The following EVA1A variants were observed in gnomAD, a reference collection of about 807,000 sequenced individuals.
The protein encoded by EVA1A is eva-1 homolog A, regulator of programmed cell death, also known as protein eva-1 homolog A.
EVA1A carries 7 observed loss-of-function variants against 9.8 expected under a neutral mutation model. That is an observed-to-expected ratio of 0.71 (90% confidence interval 0.41 to 1.34). The LOEUF is 1.34. Among genes scored for constraint, EVA1A ranks in the 40% most tolerant of loss-of-function variants. The pLI, the probability that EVA1A is intolerant of heterozygous loss-of-function variation, is 0.01. For missense variants in EVA1A, 206 were observed against 205.9 expected, an observed-to-expected ratio of 1.00 and a Z score of 0.00; for synonymous variants, 90 against 85.6, an observed-to-expected ratio of 1.05 and a Z score of -0.28.
Position 75,492,324 on chromosome 2 carries a change from T to C in EVA1A, c.*912A>G, listed in dbSNP as rs915810235. 8.6e-5 allele frequency: 13 copies of C among 151,752 alleles called. No homozygotes were observed. Among genetic ancestry groups the C allele is most frequent in the African/African-American group, 2.4e-4 (10 of 41,290 alleles). 9.4% of individuals were successfully genotyped at this position (151,752 alleles called of 1,614,324 possible). On this transcript the variant is annotated 3_prime_UTR_variant, in exon 4 of 4. Coordinates refer to ENST00000393913, the MANE Select transcript of EVA1A (RefSeq NM_001135032.2). The stretch of plus-strand genomic sequence containing the variant: ...AGACGGACATGCAACCAAAAAGATT[T>C]TATGTAATGTTTATTTTTTTAATTC...
Position 75,492,675 on chromosome 2 carries a change from A to G in EVA1A, c.*561T>C, listed in dbSNP as rs1417521703. On this transcript the variant is annotated 3_prime_UTR_variant, in exon 4 of 4. Transcript: ENST00000393913. ...TCATGAATGAGGTGGGAACTACACT[A>G]AAAAGTAGGATTTTAATCCCTGAGG... The G allele has an allele frequency of 6.5e-6, 1 of 152,942 alleles. No homozygotes were observed. The highest frequency in any genetic ancestry group is 1.5e-5 in the Non-Finnish European group (1 of 68,290). 9.5% of individuals were successfully genotyped at this position (152,942 alleles called of 1,614,324 possible).
At chr2:75,500,211 C>T (rs1460478375) in intron 3 of EVA1A, among the ~76,000 whole-genome samples, 1 of 152,200 alleles carries the variant, frequency 6.6e-6, no homozygotes, top group Non-Finnish European at 1.5e-5. Flanking sequence ...GTAACACATT[C>T]TTTTCCAAGT....
intron 1 of EVA1A, among the ~76,000 whole-genome samples, chr2:75,567,787 G>C (rs1677054623): frequency 6.6e-6 from 1 of 152,210 alleles, no homozygotes; most frequent in Non-Finnish European, 1.5e-5. Context: ...GCTTAAACCA[G>C]TGTCCGCGAC....
intron 3 of EVA1A, among the ~76,000 whole-genome samples, chr2:75,515,681 C>T (rs1430626151): frequency 2.0e-5 from 3 of 152,298 alleles, no homozygotes; most frequent in Non-Finnish European, 4.4e-5. Flanking sequence ...TGAGCATTTT[C>T]ATGTAATTTT....
intron 1 of EVA1A, among the ~76,000 whole-genome samples, chr2:75,532,086 G>A (rs10169559): frequency 6.8e-6 from 1 of 147,540 alleles, no homozygotes; most frequent in African/African-American, 2.5e-5. Flanking sequence ...CATGAACCCA[G>A]GAGGCAGAGC....
chr2:75,523,237 T>C (rs6756309), intron 1 of EVA1A, among the ~76,000 whole-genome samples: 69,550 of 152,088 alleles, frequency 0.46, 17,664 homozygotes, highest in African/African-American at 0.69. Flanking sequence ...TTGGTGTCAC[T>C]ATCCTACGTT....
chr2:75,528,004 T>G (rs1444332139), intron 1 of EVA1A, among the ~76,000 whole-genome samples: 1 of 152,184 alleles, frequency 6.6e-6, no homozygotes, highest in African/African-American at 2.4e-5. Flanking sequence ...GGAAGAAGGA[T>G]TTAACTTTAC....
intron 1 of EVA1A, among the ~76,000 whole-genome samples, chr2:75,537,461 C>G (rs1675952635): frequency 6.6e-6 from 1 of 152,154 alleles, no homozygotes; most frequent in African/African-American, 2.4e-5. Flanking sequence ...TAAGTTCTAA[C>G]CATTACCTTG....
chr2:75,553,615 GCTGT>G (rs1676600799), intron 1 of EVA1A, among the ~76,000 whole-genome samples: 1 of 152,152 alleles, frequency 6.6e-6, no homozygotes, highest in South Asian at 2.1e-4. Context: ...AGGCCACCAA[GCTGT>G]CTCTGTGAGC....
At chr2:75,523,757 CAG>C (rs2103864267) in intron 1 of EVA1A, among the ~76,000 whole-genome samples, 1 of 152,322 alleles carries the variant, frequency 6.6e-6, no homozygotes, top group East Asian at 1.9e-4. Flanking sequence ...TCTTTGTTCT[CAG>C]AGTTTCCCAC....
chr2:75,534,569 G>C (rs79687814), intron 1 of EVA1A, among the ~76,000 whole-genome samples: 2,330 of 151,470 alleles, frequency 0.015, 55 homozygotes, highest in African/African-American at 0.054. Flanking sequence ...GCAAACATCA[G>C]CCCTAACATC....
chr2:75,540,586 A>G (rs1676077539), intron 1 of EVA1A, among the ~76,000 whole-genome samples: 1 of 152,214 alleles, frequency 6.6e-6, no homozygotes, highest in African/African-American at 2.4e-5. Context: ...TTCAAGCAGC[A>G]TGTGCAAAAT....
At chr2:75,509,008 T>G (rs2103814618) in intron 3 of EVA1A, among the ~76,000 whole-genome samples, 1 of 152,208 alleles carries the variant, frequency 6.6e-6, no homozygotes, top group South Asian at 2.1e-4. Flanking sequence ...ACTGATGCCC[T>G]GAGGAGGAAA....
chr2:75,494,891 G>C (rs1042218699), intron 3 of EVA1A, among the ~76,000 whole-genome samples: 1 of 152,164 alleles, frequency 6.6e-6, no homozygotes, highest in Non-Finnish European at 1.5e-5. Context: ...CTCTTTCCTT[G>C]GTGAGAGAAG....
At chr2:75,531,681 T>C (rs1675655418) in intron 1 of EVA1A, among the ~76,000 whole-genome samples, 1 of 152,166 alleles carries the variant, frequency 6.6e-6, no homozygotes, top group African/African-American at 2.4e-5. Context: ...ATACATTGTA[T>C]GTTCTCACCT....
chr2:75,545,789 T>C (rs969189518), intron 1 of EVA1A, among the ~76,000 whole-genome samples: 1 of 151,860 alleles, frequency 6.6e-6, no homozygotes, highest in African/African-American at 2.4e-5. Context: ...TCAGTCAGTG[T>C]CTCCTAGGGG....
intron 3 of EVA1A, among the ~76,000 whole-genome samples, chr2:75,504,422 C>G (rs1288104684): frequency 6.6e-6 from 1 of 152,122 alleles, no homozygotes; most frequent in African/African-American, 2.4e-5. Flanking sequence ...AACAAACAAA[C>G]AAACAAACAA....
At chr2:75,516,580 G>A (rs1431572194) in intron 3 of EVA1A, among the ~76,000 whole-genome samples, 2 of 152,194 alleles carry the variant, frequency 1.3e-5, no homozygotes, top group African/African-American at 4.8e-5. Context: ...ACCACTTTCA[G>A]TGGTCACAAT....
chr2:75,526,316 G>A (rs569386980), intron 1 of EVA1A: 5 of 152,278 alleles, frequency 3.3e-5, no homozygotes, highest in Non-Finnish European at 5.9e-5. Context: ...TCATAGAGAG[G>A]TAACATTCAA....
Sources: gnomAD v4.1 joint callset for allele counts (sites outside exome capture counted in the v4.1 genomes callset) on GRCh38, gnomAD v4.1.1 for gene constraint, MANE v1.5 for transcripts, NCBI Gene and HGNC (gene_info 2026-07-23, HGNC 2026-07-21) for gene names.